The following CTNNA2 variants were observed in gnomAD, a reference collection of about 807,000 sequenced individuals.
The protein encoded by CTNNA2 is catenin alpha-2.
CTNNA2 carries 42 observed loss-of-function variants against 101.0 expected under a neutral mutation model. The observed-to-expected ratio is 0.42, with a 90% confidence interval of 0.32 to 0.54. The LOEUF (loss-of-function observed/expected upper bound fraction) is 0.54, where lower values mean the gene tolerates loss of function less well. CTNNA2 is among the 20% of genes least tolerant of loss of function. The pLI, the probability that CTNNA2 is intolerant of heterozygous loss-of-function variation, is 0.14. For synonymous variants in CTNNA2, 450 were observed against 456.4 expected (o/e 0.99, Z 0.18); for missense variants, 871 against 1,223.1 (o/e 0.71, Z 4.29).
chr2:80,422,481 A>G (rs1680622152), intron 9 of CTNNA2, among the ~76,000 whole-genome samples: 2 of 151,388 alleles, frequency 1.3e-5, no homozygotes, highest in African/African-American at 4.9e-5. Context: ...GCTAGGACCT[A>G]CAGTACAATA....
intron 7 of CTNNA2, among the ~76,000 whole-genome samples, chr2:80,008,449 T>G (rs1168965721): frequency 2.0e-5 from 3 of 152,164 alleles, no homozygotes; most frequent in Non-Finnish European, 4.4e-5. Context: ...GGTGGCTGCA[T>G]TGGTAGATAT....
chr2:80,454,746 C>T (rs1277202572), intron 9 of CTNNA2, among the ~76,000 whole-genome samples: 3 of 152,196 alleles, frequency 2.0e-5, no homozygotes, highest in African/African-American at 7.2e-5. Flanking sequence ...TGCAGCCTCT[C>T]AGACAGCGTG....
chr2:79,364,350 A>G (rs1558646745), intron 3 of CTNNA2, among the ~76,000 whole-genome samples: 2 of 152,162 alleles, frequency 1.3e-5, no homozygotes, highest in Non-Finnish European at 2.9e-5. Context: ...AACTTCTCAT[A>G]TGTTTAAGTT....
In CTNNA2 at chr2:79,854,345, G is replaced by A. The variant is rs7592212; in HGVS notation, c.299-3668G>A. 3.0e-3 allele frequency among the ~76,000 whole-genome samples: 463 copies of A among 152,308 alleles called. 5 individuals are homozygous for A. Among genetic ancestry groups the A allele is most frequent in the African/African-American group, 0.011 (439 of 41,560 alleles). ...ATAATGATCACCCGTTATGGGTAAG[G>A]CCCCATGTTGGGTGCTTTGAATGCA... is the stretch of plus-strand genomic sequence containing the variant. On this transcript the variant is annotated intron_variant, in intron 3 of 18. Coordinates refer to ENST00000402739, the MANE Select transcript of CTNNA2 (RefSeq NM_001282597.3).
intron 1 of CTNNA2, among the ~76,000 whole-genome samples, chr2:79,625,544 A>G (rs1447807633): frequency 6.6e-6 from 1 of 152,188 alleles, no homozygotes; most frequent in East Asian, 1.9e-4. Context: ...TGCAGATAAA[A>G]CATGGAAATT....
chr2:80,302,857 G>T lies in CTNNA2; in HGVS notation c.1057-90354G>T. 5 of 1,614,148 alleles carry T rather than the reference G, an allele frequency of 3.1e-6. No individual in the cohort carries two copies. Among genetic ancestry groups the T allele is most frequent in the Non-Finnish European group, 4.2e-6 (5 of 1,180,038 alleles). ...TGAGCCACGAGGCTAGGGCACACAC[G>T]TTGCGCCCGCAATCCCACAGGTTCC... On this transcript the variant is annotated intron_variant, in intron 7 of 18. Transcript: ENST00000402739. This position sits in a 1 kb window ranked among gnomAD's most constrained non-coding sequence, Gnocchi z 6.4.
intron 2 of CTNNA2, among the ~76,000 whole-genome samples, chr2:79,238,004 C>T (rs147859161): frequency 1.2e-4 from 19 of 152,288 alleles, no homozygotes; most frequent in African/African-American, 4.3e-4. Flanking sequence ...ACTTTTCCTT[C>T]GCATTCACAA....
chr2:79,717,372 A>G lies in CTNNA2; in HGVS notation c.103-27015A>G, dbSNP rs1397816927. 2.0e-5 allele frequency among the ~76,000 whole-genome samples: 3 copies of G among 152,168 alleles called. No individual in the cohort carries two copies. The East Asian group carries it at 5.8e-4, about 29-fold the overall frequency. On this transcript the variant is annotated intron_variant, in intron 2 of 18. Coordinates refer to ENST00000402739, the MANE Select transcript of CTNNA2 (RefSeq NM_001282597.3). ...CCTTCGACTTTTAATCACTGTGAAG[A>G]AATAGCGAAAGGCATGACTTTTGGT...
intron 4 of CTNNA2, among the ~76,000 whole-genome samples, chr2:79,484,683 C>A (rs1407643924): frequency 1.3e-5 from 2 of 152,124 alleles, no homozygotes; most frequent in African/African-American, 4.8e-5. Flanking sequence ...TATAGGTGAG[C>A]TATCCTGAGC....
chr2:79,563,161 G>GTA (rs71385287), intron 1 of CTNNA2, among the ~76,000 whole-genome samples: 4,050 of 78,526 alleles, frequency 0.052, 160 homozygotes, highest in African/African-American at 0.17. Context: ...ATAAAGATGT[G>GTA]TATATATATA....
At chr2:79,686,119 A>G (rs981482752) in intron 2 of CTNNA2, among the ~76,000 whole-genome samples, 1 of 152,124 alleles carries the variant, frequency 6.6e-6, no homozygotes, top group African/African-American at 2.4e-5. Flanking sequence ...TAAGAAACGT[A>G]AAAAAATTAG....
chr2:79,346,857 G>T (rs1677275441), intron 3 of CTNNA2, among the ~76,000 whole-genome samples: 1 of 152,130 alleles, frequency 6.6e-6, no homozygotes, highest in Admixed American at 6.5e-5. Context: ...CCCCAAATTT[G>T]CATAAAGTCC....
intron 15 of CTNNA2, among the ~76,000 whole-genome samples, chr2:80,596,453 G>A (rs1696987458): frequency 6.6e-6 from 1 of 151,190 alleles, no homozygotes; most frequent in Non-Finnish European, 1.5e-5. Context: ...GGGACTACAG[G>A]TGCCCGCCAC....
intron 9 of CTNNA2, among the ~76,000 whole-genome samples, chr2:80,481,056 A>G (rs1340956731): frequency 2.0e-5 from 3 of 152,106 alleles, no homozygotes; most frequent in Non-Finnish European, 4.4e-5. Context: ...AATTAGTTGA[A>G]AACTGAGCCA....
intron 7 of CTNNA2, among the ~76,000 whole-genome samples, chr2:80,091,042 A>G (rs1699762804): frequency 6.6e-6 from 1 of 152,130 alleles, no homozygotes; most frequent in Non-Finnish European, 1.5e-5. Context: ...AATTGTATTA[A>G]CATATGAGTG....
intron 3 of CTNNA2, among the ~76,000 whole-genome samples, chr2:79,755,131 C>G (rs561785338): frequency 1.3e-4 from 19 of 151,858 alleles, no homozygotes; most frequent in Non-Finnish European, 2.8e-4. Context: ...TTCAAACCAG[C>G]CTGGGCAAGA....
At chr2:79,709,952 C>T (rs1397692) in intron 2 of CTNNA2, among the ~76,000 whole-genome samples, 49,625 of 151,812 alleles carry the variant, frequency 0.33, 9,741 homozygotes, top group East Asian at 0.59. Context: ...GTGGAATGAG[C>T]TCTGATTTGG....
intron 9 of CTNNA2, among the ~76,000 whole-genome samples, chr2:80,474,750 T>G (rs1185481200): frequency 6.6e-6 from 1 of 152,180 alleles, no homozygotes; most frequent in African/African-American, 2.4e-5. Flanking sequence ...GCTGGTTAGA[T>G]AGCTACTTGG....
At chr2:80,263,027 T>C (rs1672735568) in intron 7 of CTNNA2, among the ~76,000 whole-genome samples, 1 of 152,132 alleles carries the variant, frequency 6.6e-6, no homozygotes, top group South Asian at 2.1e-4. Flanking sequence ...CCCTCGGAAA[T>C]GGAATTTCTT....
Sources: allele counts gnomAD v4.1 joint callset (sites outside exome capture counted in the v4.1 genomes callset), GRCh38; gene constraint gnomAD v4.1.1; non-coding constraint Gnocchi (gnomAD v3.1); transcripts MANE v1.5; gene names NCBI Gene and HGNC (gene_info 2026-07-23, HGNC 2026-07-21).